The following EXT1 variants were observed in gnomAD, a reference collection of about 807,000 sequenced individuals.
EXT1 encodes the protein exostosin-1.
A neutral mutation model predicts 82.5 loss-of-function variants in EXT1; 20 were observed. The observed-to-expected ratio is 0.24, with a 90% CI of 0.17 to 0.35. EXT1 has a LOEUF of 0.35. EXT1 is among the 10% of genes least tolerant of loss of function. EXT1 has a pLI of 1.00. For synonymous variants in EXT1, 348 were observed against 350.8 expected (o/e 0.99, Z 0.09); for missense variants, 757 against 936.5 (o/e 0.81, Z 2.50).
At chr8:117,945,088 G>C (rs1219924901) in intron 1 of EXT1, among the ~76,000 whole-genome samples, 1 of 152,234 alleles carries the variant, frequency 6.6e-6, no homozygotes, top group African/African-American at 2.4e-5. Context: ...CGTGAACCCG[G>C]GAAGTGGAGT....
At chr8:118,064,706 G>A (rs1816945499) in intron 1 of EXT1, among the ~76,000 whole-genome samples, 3 of 152,146 alleles carry the variant, frequency 2.0e-5, no homozygotes, top group Admixed American at 2.0e-4. Flanking sequence ...TAATGGGATT[G>A]CTGAGTCAAA....
At chr8:118,057,999 G>GA (rs905675600) in intron 1 of EXT1, among the ~76,000 whole-genome samples, 20 of 144,040 alleles carry the variant, frequency 1.4e-4, no homozygotes, top group South Asian at 6.7e-4. Context: ...AAAAGGAAAA[G>GA]AAAAAAAAAT....
At chr8:118,041,060 C>G (rs999395983) in intron 1 of EXT1, among the ~76,000 whole-genome samples, 1 of 152,108 alleles carries the variant, frequency 6.6e-6, no homozygotes, top group Admixed American at 6.6e-5. Flanking sequence ...AAATACAAAG[C>G]CACTTTTAAA....
chr8:117,802,854 C>A (rs778607965), intron 10 of EXT1, among the ~76,000 whole-genome samples: 5 of 152,144 alleles, frequency 3.3e-5, no homozygotes, highest in Non-Finnish European at 7.4e-5. Flanking sequence ...TCATCATAAC[C>A]AATACCTAGA....
At chr8:117,927,506 G>A (rs1813976119) in intron 1 of EXT1, among the ~76,000 whole-genome samples, 1 of 144,102 alleles carries the variant, frequency 6.9e-6, no homozygotes, top group Non-Finnish European at 1.5e-5. Flanking sequence ...GTCTAGCTGA[G>A]GGGAAAATCA....
chr8:117,869,825 C>T (rs961413729), intron 1 of EXT1, among the ~76,000 whole-genome samples: 1 of 152,144 alleles, frequency 6.6e-6, no homozygotes, highest in Admixed American at 6.6e-5. Flanking sequence ...CACACACACT[C>T]ACACATATAT....
At chr8:118,056,752 G>A (rs1816801047) in intron 1 of EXT1, among the ~76,000 whole-genome samples, 1 of 152,178 alleles carries the variant, frequency 6.6e-6, no homozygotes, top group Non-Finnish European at 1.5e-5. Flanking sequence ...CACATTATCA[G>A]AAGAACGCTT....
At chr8:117,839,539 A>G (rs1175601201) in intron 1 of EXT1, among the ~76,000 whole-genome samples, 2 of 152,198 alleles carry the variant, frequency 1.3e-5, no homozygotes, top group Non-Finnish European at 2.9e-5. Context: ...CATACAGAAC[A>G]TGTACACTCA....
intron 1 of EXT1, among the ~76,000 whole-genome samples, chr8:118,065,751 T>C (rs1563645174): frequency 6.6e-6 from 1 of 152,220 alleles, no homozygotes; most frequent in Non-Finnish European, 1.5e-5. Context: ...AGTTCAAGCA[T>C]ATTTGTGTAT....
chr8:117,947,653 C>T (rs1227359286), intron 1 of EXT1, among the ~76,000 whole-genome samples: 2 of 152,290 alleles, frequency 1.3e-5, no homozygotes, highest in Admixed American at 6.5e-5. Flanking sequence ...TAATCATTAA[C>T]TTAAATGGCA....
At chr8:118,047,998 C>T (rs1461429123) in intron 1 of EXT1, among the ~76,000 whole-genome samples, 1 of 151,204 alleles carries the variant, frequency 6.6e-6, no homozygotes, top group Non-Finnish European at 1.5e-5. Context: ...TGCACTCTGG[C>T]CTGGACAACA....
chr8:118,011,108 A>G (rs1815890730), intron 1 of EXT1, among the ~76,000 whole-genome samples: 4 of 152,244 alleles, frequency 2.6e-5, no homozygotes, highest in Admixed American at 1.3e-4. Context: ...CATAGCAGCC[A>G]CTTCACCATG....
chr8:117,973,613 T>C (rs752865990), intron 1 of EXT1, among the ~76,000 whole-genome samples: 1 of 151,686 alleles, frequency 6.6e-6, no homozygotes, highest in Non-Finnish European at 1.5e-5. Flanking sequence ...CAAAATAATT[T>C]AAACATTTCC....
At chr8:117,907,765 A>T (rs1050884550) in intron 1 of EXT1, among the ~76,000 whole-genome samples, 50 of 152,008 alleles carry the variant, frequency 3.3e-4, no homozygotes, top group South Asian at 6.2e-4. Context: ...TTCACATTTA[A>T]AAAAAAAATT....
intron 4 of EXT1, among the ~76,000 whole-genome samples, chr8:117,824,730 A>G (rs1200675497): frequency 1.3e-5 from 2 of 152,212 alleles, no homozygotes; most frequent in Admixed American, 6.5e-5. Flanking sequence ...TTTACATATT[A>G]ATAGTATTCA....
At chr8:118,109,360 T>TA (rs35438767) in intron 1 of EXT1, among the ~76,000 whole-genome samples, 24,198 of 138,422 alleles carry the variant, frequency 0.17, 2,476 homozygotes, top group African/African-American at 0.28. Flanking sequence ...GGCCCACATT[T>TA]AAAAAAAAAA....
intron 1 of EXT1, among the ~76,000 whole-genome samples, chr8:118,031,342 C>G (rs1473695649): frequency 6.6e-6 from 1 of 152,024 alleles, no homozygotes; most frequent in Admixed American, 6.6e-5. Flanking sequence ...CTGGCCAACA[C>G]AGCGAAACCC....
chr8:117,933,236 ATT>A (rs34159778), intron 1 of EXT1, among the ~76,000 whole-genome samples: 15,090 of 133,060 alleles, frequency 0.11, 1,765 homozygotes, highest in African/African-American at 0.32. Flanking sequence ...TCTGCTGGGT[ATT>A]TTTTTTTTTT....
intron 1 of EXT1, among the ~76,000 whole-genome samples, chr8:118,084,458 G>A (rs1817384832): frequency 6.6e-6 from 1 of 152,184 alleles, no homozygotes; most frequent in East Asian, 1.9e-4. Context: ...AAAGACTGCA[G>A]GGATCAGATT....
Sources: gnomAD v4.1 joint callset for allele counts (sites outside exome capture counted in the v4.1 genomes callset) on GRCh38, gnomAD v4.1.1 for gene constraint, MANE v1.5 for transcripts, NCBI Gene and HGNC (gene_info 2026-07-23, HGNC 2026-07-21) for gene names.